Variants in MERTK observed in about 807,000 individuals in gnomAD.
MERTK encodes MER proto-oncogene, tyrosine kinase.
In MERTK, 69 loss-of-function variants were observed where a neutral mutation model predicts 99.3. That is an observed-to-expected ratio of 0.70 (90% CI 0.57 to 0.85). The LOEUF is 0.85. MERTK is among the 40% of genes least tolerant of loss of function. The pLI, the probability that MERTK is intolerant of heterozygous loss-of-function variation, is 0.00. For missense variants in MERTK, 1,125 were observed against 1,249.4 expected (o/e 0.90, Z 1.50); for synonymous variants, 426 against 467.6 (o/e 0.91, Z 1.15).
chr2:111,997,214 A>G, intron 9 of MERTK, 109 bp from the exon 10 acceptor site: 17 of 1,286,588 alleles, frequency 1.3e-5, no homozygotes, highest in Non-Finnish European at 1.9e-5. Flanking sequence ...TGTAGATTAT[A>G]AAAGATTTAA....
At chr2:111,929,001 C>CT in intron 1 of MERTK, 119 bp from the exon 2 acceptor site, 1 of 989,508 alleles carries the variant, frequency 1.0e-6, no homozygotes, top group Non-Finnish European at 1.6e-6. Flanking sequence ...TTCTGCTTAT[C>CT]TTTTCCTGGG....
At chr2:111,947,102 A>G (rs1436296738) in intron 3 of MERTK, among the ~76,000 whole-genome samples, 1 of 152,114 alleles carries the variant, frequency 6.6e-6, no homozygotes, top group Non-Finnish European at 1.5e-5. Context: ...GTGAAACCCC[A>G]TTTCTACTAA....
chr2:111,972,857 C>G (rs1334227794), intron 6 of MERTK, among the ~76,000 whole-genome samples: 1 of 152,210 alleles, frequency 6.6e-6, no homozygotes, highest in African/African-American at 2.4e-5. Flanking sequence ...AGCACAAGCT[C>G]TAAAAGTTAT....
chr2:111,899,709 G>T (rs1053747649), intron 1 of MERTK, among the ~76,000 whole-genome samples: 1 of 152,082 alleles, frequency 6.6e-6, no homozygotes, highest in Non-Finnish European at 1.5e-5. Context: ...GTAGAGACGG[G>T]GTTTCACCAT....
chr2:111,906,491 G>C (rs1447956371), intron 1 of MERTK, among the ~76,000 whole-genome samples: 1 of 152,184 alleles, frequency 6.6e-6, no homozygotes, highest in Non-Finnish European at 1.5e-5. Context: ...GAGAATATTA[G>C]AACAGAGACT....
Position 112,029,078 on chromosome 2 carries a change from C to G in MERTK, c.*214C>G. On this transcript the variant is annotated 3_prime_UTR_variant, in exon 19 of 19. Transcript: ENST00000295408. ...AATATGTGTATATCATGGAAAAAGA[C>G]AAGGATATTTTAATAAAACATTACT... The G allele has an allele frequency of 7.9e-7, 1 of 1,267,366 alleles. No homozygotes were observed. The highest frequency in any genetic ancestry group is 1.0e-6 in the Non-Finnish European group (1 of 998,804). 78.5% of individuals were successfully genotyped at this position (1,267,366 alleles called of 1,614,324 possible).
chr2:111,910,891 A>G (rs1169160476), intron 1 of MERTK, among the ~76,000 whole-genome samples: 3 of 152,202 alleles, frequency 2.0e-5, no homozygotes, highest in African/African-American at 4.8e-5. Context: ...TCAAAATTAC[A>G]GCAAGATAGG....
intron 8 of MERTK, among the ~76,000 whole-genome samples, chr2:111,990,445 G>A (rs1467068381): frequency 6.6e-6 from 1 of 152,190 alleles, no homozygotes; most frequent in Non-Finnish European, 1.5e-5. Context: ...TATTCAGAAT[G>A]ATGGCAACGG....
rs556563452 is a variant in MERTK, at chr2:111,909,280, A to G, written c.61+10484A>G. 2.0e-5 allele frequency among the ~76,000 whole-genome samples: 3 copies of G among 152,316 alleles called. No homozygotes were observed. In the South Asian group the frequency reaches 6.2e-4, roughly 32 times the overall value. ...TGGTTAAGTTAAATATTAAAAGCTA[A>G]TAGAGCCGGTGCCCTCATACAAAGG... On this transcript the variant is annotated intron_variant, in intron 1 of 18. Coordinates refer to ENST00000295408, the MANE Select transcript of MERTK (RefSeq NM_006343.3).
intron 1 of MERTK, among the ~76,000 whole-genome samples, chr2:111,912,048 G>C (rs113736396): frequency 0.094 from 14,244 of 151,624 alleles, 730 homozygotes; most frequent in Middle Eastern, 0.14. Context: ...TGTCACCCCG[G>C]CTGGAGTGCA....
chr2:111,963,100 C>CAAAG lies in MERTK; in HGVS notation c.758-2091_758-2090insAAAG, dbSNP rs1403629862. On this transcript the variant is annotated intron_variant, in intron 4 of 18. Coordinates refer to ENST00000295408, the MANE Select transcript of MERTK (RefSeq NM_006343.3). ...TGGAGAGAAGGTCAGCAGATAAACA[C>CAAAG]GTGAACAAAGGTCTCTGCAACATAG... Among the ~76,000 whole-genome samples the CAAAG allele has an allele frequency of 1.0e-3, 159 of 152,156 alleles. 1 individual carries two copies. The highest frequency in any genetic ancestry group is 3.7e-3 in the African/African-American group (155 of 41,488).
intron 6 of MERTK, among the ~76,000 whole-genome samples, chr2:111,970,847 TCTC>T (rs1184291456): frequency 6.2e-5 from 8 of 129,734 alleles, no homozygotes; most frequent in African/African-American, 2.1e-4. Flanking sequence ...TTCTCCTCCT[TCTC>T]CTCCTCCTTC....
At chr2:112,000,827 C>T (rs895572904) in intron 10 of MERTK, among the ~76,000 whole-genome samples, 1 of 152,176 alleles carries the variant, frequency 6.6e-6, no homozygotes, top group Non-Finnish European at 1.5e-5. Flanking sequence ...TGGAATTCTT[C>T]ACCACAGGAG....
At chr2:111,913,324 G>A (rs1270382512) in intron 1 of MERTK, among the ~76,000 whole-genome samples, 1 of 152,004 alleles carries the variant, frequency 6.6e-6, no homozygotes, top group African/African-American at 2.4e-5. Context: ...TCAGTGTTTT[G>A]TTGTTTTTAG....
chr2:111,974,344 A>T (rs117696336), intron 6 of MERTK, among the ~76,000 whole-genome samples: 2 of 152,036 alleles, frequency 1.3e-5, no homozygotes, highest in East Asian at 3.9e-4. Flanking sequence ...CGGAGGTCAA[A>T]CCATTGCACT....
chr2:112,016,647 A>G (rs1448585823), intron 15 of MERTK, among the ~76,000 whole-genome samples: 1 of 152,248 alleles, frequency 6.6e-6, no homozygotes, highest in Non-Finnish European at 1.5e-5. Flanking sequence ...GCAGACAGGT[A>G]GATGATGAGA....
chr2:111,946,979 C>T (rs998416044), intron 3 of MERTK, among the ~76,000 whole-genome samples: 4 of 152,160 alleles, frequency 2.6e-5, no homozygotes, highest in Non-Finnish European at 5.9e-5. Flanking sequence ...AGATAAAGAA[C>T]TCTTGTTTGC....
At chr2:111,906,557 C>T (rs1035643581) in intron 1 of MERTK, among the ~76,000 whole-genome samples, 3 of 152,166 alleles carry the variant, frequency 2.0e-5, no homozygotes, top group Non-Finnish European at 2.9e-5. Context: ...ATTCTCAGTG[C>T]GGTGATAAAT....
At chr2:112,012,552 T>C (rs1175700071) in intron 15 of MERTK, among the ~76,000 whole-genome samples, 1 of 152,140 alleles carries the variant, frequency 6.6e-6, no homozygotes, top group Non-Finnish European at 1.5e-5. Flanking sequence ...CTCTTTGTCA[T>C]GAGCGTATCC....
Sources: gnomAD v4.1 joint callset for allele counts (sites outside exome capture counted in the v4.1 genomes callset) on GRCh38, gnomAD v4.1.1 for gene constraint, MANE v1.5 for transcripts, NCBI Gene and HGNC (gene_info 2026-07-23, HGNC 2026-07-21) for gene names.